SMAD3: variants seen among roughly 807,000 people sequenced by gnomAD.
SMAD3 encodes the protein MAD homolog 3.
In SMAD3, 12 loss-of-function variants were observed where a neutral mutation model predicts 51.8. The observed-to-expected ratio is 0.23, with a 90% confidence interval of 0.15 to 0.38. SMAD3 has a LOEUF of 0.38. Among genes scored for constraint, SMAD3 ranks in the 10% least tolerant of loss-of-function variants. The pLI is 1.00. For synonymous variants in SMAD3, 238 were observed against 227.7 expected (o/e 1.05, Z -0.41); for missense variants, 294 against 565.6 (o/e 0.52, Z 4.87).
chr15:67,084,283 G>A (rs923817612), intron 1 of SMAD3, among the ~76,000 whole-genome samples: 11 of 150,114 alleles, frequency 7.3e-5, no homozygotes, highest in African/African-American at 2.7e-4. Context: ...GGGTTTCTTT[G>A]TGTTAGCCAG....
chr15:67,101,013 T>C (rs948623525), intron 1 of SMAD3, among the ~76,000 whole-genome samples: 5 of 152,224 alleles, frequency 3.3e-5, no homozygotes, highest in Admixed American at 3.3e-4. Flanking sequence ...CCATGGGTGC[T>C]CAGGAAACTG....
At chr15:67,165,415 G>T in intron 3 of SMAD3, 31 bp downstream of exon 3, 1 of 1,612,678 alleles carries the variant, frequency 6.2e-7, no homozygotes. Context: ...GGCTGGCCTG[G>T]GAGGCAGGGG....
chr15:67,122,785 G>T (rs1443192695), intron 1 of SMAD3, among the ~76,000 whole-genome samples: 1 of 152,112 alleles, frequency 6.6e-6, no homozygotes, highest in Non-Finnish European at 1.5e-5. Flanking sequence ...TTCAAATCCT[G>T]GCCCCACCAC....
At position 67,160,625 on chromosome 15, in the gene SMAD3, G is replaced by A. The variant is rs373597835; in HGVS notation, c.207-4270G>A. 2.4e-3 allele frequency among the ~76,000 whole-genome samples: 367 copies of A among 152,098 alleles called. 1 individual carries two copies. The highest frequency in any genetic ancestry group is 8.0e-3 in the African/African-American group (334 of 41,514). ...TCTCTACTAAAAATACGAAAAATTA[G>A]CCGGGCGCGGTGCCAGGCGCCTGTA... On this transcript the variant is annotated intron_variant, in intron 1 of 8. Transcript: ENST00000327367.
rs1481549777 is a variant in SMAD3 at position 67,193,085 on chromosome 15, T to G, written c.*2549T>G. On this transcript the variant is annotated 3_prime_UTR_variant, in exon 9 of 9. Transcript: ENST00000327367. ...GAGTGCTACATAGGTGCTTTGGGCG[T>G]ATGTAACATTAGTGTCCTTCCTTGA... The G allele has an allele frequency of 8.6e-6, 2 of 233,220 alleles. No individual in the cohort carries two copies. Among genetic ancestry groups the G allele is most frequent in the African/African-American group, 2.2e-5 (1 of 45,320 alleles). The allele number at this position is 233,220 out of a possible 1,614,324, so 14.4% of individuals were successfully genotyped here.
At chr15:67,162,779 TG>T (rs1962463081) in intron 1 of SMAD3, among the ~76,000 whole-genome samples, 1 of 152,002 alleles carries the variant, frequency 6.6e-6, no homozygotes, top group African/African-American at 2.4e-5. Flanking sequence ...CGCACCCCTT[TG>T]CCTGGTTAGT....
At chr15:67,146,742 G>T (rs542722585) in intron 1 of SMAD3, among the ~76,000 whole-genome samples, 1 of 152,248 alleles carries the variant, frequency 6.6e-6, no homozygotes, top group South Asian at 2.1e-4. Context: ...CCTCTTCAGG[G>T]TCAGACTTTA....
At chr15:67,110,833 A>T (rs1429529197) in intron 1 of SMAD3, among the ~76,000 whole-genome samples, 1 of 152,242 alleles carries the variant, frequency 6.6e-6, no homozygotes, top group African/African-American at 2.4e-5. Context: ...GTACACAGAT[A>T]ATACAGAAAG....
chr15:67,178,613 G>GT (rs1962968585), intron 5 of SMAD3, among the ~76,000 whole-genome samples: 1 of 152,106 alleles, frequency 6.6e-6, no homozygotes, highest in Admixed American at 6.5e-5. Context: ...CGCTTGGGCA[G>GT]TGGTGGCCAG....
chr15:67,166,886 A>T (rs181905261), intron 4 of SMAD3, 33 bp downstream of exon 4: 2 of 1,520,912 alleles, frequency 1.3e-6, no homozygotes, highest in South Asian at 2.4e-5. Flanking sequence ...CTTATTCTTA[A>T]CTGATTAGCA....
At chr15:67,147,644 C>A (rs530848963) in intron 1 of SMAD3, among the ~76,000 whole-genome samples, 30 of 152,264 alleles carry the variant, frequency 2.0e-4, no homozygotes, top group African/African-American at 6.7e-4. Context: ...CCTTCCACTG[C>A]CCCCGCCCCA....
chr15:67,175,842 A>G (rs1383565265), intron 5 of SMAD3, among the ~76,000 whole-genome samples: 3 of 152,208 alleles, frequency 2.0e-5, no homozygotes, highest in East Asian at 1.9e-4. Flanking sequence ...AGGCATCTTC[A>G]TGCTGCTGCC....
chr15:67,140,929 ATCT>A (rs1177096322), intron 1 of SMAD3, among the ~76,000 whole-genome samples: 5 of 152,278 alleles, frequency 3.3e-5, no homozygotes, highest in African/African-American at 1.2e-4. Context: ...TTGTTGCCAG[ATCT>A]TCTGAGTTTT....
At chr15:67,157,963 T>C (rs1962328519) in intron 1 of SMAD3, among the ~76,000 whole-genome samples, 1 of 152,156 alleles carries the variant, frequency 6.6e-6, no homozygotes, top group African/African-American at 2.4e-5. Context: ...TTTGGGGGTC[T>C]CTCATCAGGA....
chr15:67,177,736 T>G (rs972579335), intron 5 of SMAD3, among the ~76,000 whole-genome samples: 11 of 151,696 alleles, frequency 7.3e-5, no homozygotes, highest in Non-Finnish European at 1.0e-4. Flanking sequence ...TTTTTTTGTT[T>G]TTTTTTTTGT....
chr15:67,113,094 A>ATATATATATT (rs3985646), intron 1 of SMAD3, among the ~76,000 whole-genome samples: 2 of 112,564 alleles, frequency 1.8e-5, no homozygotes, highest in African/African-American at 3.6e-5. Flanking sequence ...ATATATATAT[A>ATATATATATT]TTTTTTTGAG....
chr15:67,190,340 A>G, intron 8 of SMAD3, 73 bp from the exon 9 acceptor site: 1 of 1,400,782 alleles, frequency 7.1e-7, no homozygotes, highest in Non-Finnish European at 1.0e-6. Flanking sequence ...AAGCAGAAAA[A>G]GCTTTCTGAC....
intron 1 of SMAD3, among the ~76,000 whole-genome samples, chr15:67,084,570 C>T (rs561970875): frequency 6.6e-6 from 1 of 152,178 alleles, no homozygotes; most frequent in African/African-American, 2.4e-5. Flanking sequence ...CACATATTTA[C>T]TGAGCTTCTT....
intron 6 of SMAD3, among the ~76,000 whole-genome samples, chr15:67,184,055 G>A (rs1435179030): frequency 2.0e-5 from 3 of 151,566 alleles, no homozygotes; most frequent in African/African-American, 7.3e-5. Context: ...GGCACTTACT[G>A]TGTGTCTCAC....
Sources: allele counts gnomAD v4.1 joint callset (sites outside exome capture counted in the v4.1 genomes callset), GRCh38; gene constraint gnomAD v4.1.1; transcripts MANE v1.5; gene names NCBI Gene and HGNC (gene_info 2026-07-23, HGNC 2026-07-21).